The following GRM5 variants were observed in gnomAD, a reference collection of about 807,000 sequenced individuals.
GRM5 encodes metabotropic glutamate receptor 5.
Under a neutral mutation model 83.1 loss-of-function variants are expected in GRM5, and 19 were observed. The ratio of observed to expected loss-of-function variants is 0.23; its 90% CI spans 0.16 to 0.34. GRM5 has a LOEUF of 0.34. Among genes scored for constraint, GRM5 ranks in the 10% least tolerant of loss-of-function variants. GRM5 has a pLI of 1.00. For synonymous variants in GRM5, 675 were observed against 633.6 expected (o/e 1.07, Z -0.98); for missense variants, 1,160 against 1,588.3 (o/e 0.73, Z 4.58).
chr11:88,945,213 C>T (rs1224268377), intron 2 of GRM5, among the ~76,000 whole-genome samples: 1 of 151,850 alleles, frequency 6.6e-6, no homozygotes, highest in Non-Finnish European at 1.5e-5. Context: ...GGGACAACTA[C>T]TTCAAAACAC....
At chr11:88,641,597 G>T (rs1217741170) in intron 4 of GRM5, among the ~76,000 whole-genome samples, 1 of 152,174 alleles carries the variant, frequency 6.6e-6, no homozygotes, top group South Asian at 2.1e-4. Context: ...TACAATGGGG[G>T]TTTAGGCATT....
chr11:88,643,042 G>A (rs1939338452), intron 4 of GRM5, among the ~76,000 whole-genome samples: 1 of 151,414 alleles, frequency 6.6e-6, no homozygotes, highest in Admixed American at 6.6e-5. Context: ...CCTGTGTTAG[G>A]TCATTTTTAC....
At chr11:89,019,815 C>T (rs1940940394) in intron 2 of GRM5, among the ~76,000 whole-genome samples, 1 of 152,186 alleles carries the variant, frequency 6.6e-6, no homozygotes, top group African/African-American at 2.4e-5. Context: ...TGCTATAAAA[C>T]AGGAAGACAA....
intron 2 of GRM5, among the ~76,000 whole-genome samples, chr11:88,923,594 A>G (rs647669): frequency 0.6 from 90,443 of 151,728 alleles, 27,356 homozygotes; most frequent in South Asian, 0.74. Flanking sequence ...TAATAAGTCC[A>G]AAAATATAGT....
chr11:88,706,495 T>G (rs2135379240), intron 3 of GRM5, among the ~76,000 whole-genome samples: 1 of 152,182 alleles, frequency 6.6e-6, no homozygotes, highest in Non-Finnish European at 1.5e-5. Flanking sequence ...CATTGAAGAG[T>G]GAAGTCCCCA....
At chr11:88,609,043 C>A (rs1054267847) in intron 4 of GRM5, among the ~76,000 whole-genome samples, 1 of 152,140 alleles carries the variant, frequency 6.6e-6, no homozygotes, top group South Asian at 2.1e-4. Context: ...AGGTTTGTTA[C>A]ATGGGTAAAT....
At chr11:88,944,314 CT>C (rs1341369727) in intron 2 of GRM5, among the ~76,000 whole-genome samples, 5 of 151,788 alleles carry the variant, frequency 3.3e-5, no homozygotes, top group Non-Finnish European at 5.9e-5. Context: ...CATAATGGAG[CT>C]TTGTGTGTGT....
At chr11:88,621,411 A>C (rs982473700) in intron 4 of GRM5, among the ~76,000 whole-genome samples, 1 of 152,198 alleles carries the variant, frequency 6.6e-6, no homozygotes, top group Non-Finnish European at 1.5e-5. Context: ...AGCCTTTCCC[A>C]GGTAGAATTG....
intron 2 of GRM5, among the ~76,000 whole-genome samples, chr11:88,962,057 T>A (rs974118573): frequency 5.3e-5 from 8 of 152,156 alleles, no homozygotes; most frequent in African/African-American, 1.9e-4. Context: ...CTGAGATGCA[T>A]AGATAAACTG....
intron 8 of GRM5, among the ~76,000 whole-genome samples, chr11:88,562,991 A>C (rs1942791779): frequency 1.3e-5 from 2 of 152,218 alleles, no homozygotes; most frequent in Admixed American, 6.5e-5. Context: ...TTGCCTTTGC[A>C]TCACTGAACC....
chr11:88,721,282 G>T (rs1434202892), intron 3 of GRM5, among the ~76,000 whole-genome samples: 2 of 151,978 alleles, frequency 1.3e-5, no homozygotes, highest in Non-Finnish European at 2.9e-5. Context: ...ATCTTTTTTG[G>T]TGGGAGTGCA....
chr11:88,703,648 T>G (rs959106218), intron 3 of GRM5, among the ~76,000 whole-genome samples: 3 of 152,090 alleles, frequency 2.0e-5, no homozygotes, highest in African/African-American at 7.2e-5. Context: ...ACCCTCACGA[T>G]ATTCTTGTGA....
intron 3 of GRM5, among the ~76,000 whole-genome samples, chr11:88,781,248 C>T (rs1056549605): frequency 6.6e-6 from 1 of 151,356 alleles, no homozygotes; most frequent in African/African-American, 2.4e-5. Context: ...AGAGAAAATT[C>T]AACATCTGTA....
intron 3 of GRM5, among the ~76,000 whole-genome samples, chr11:88,677,862 C>T (rs1940374681): frequency 6.6e-6 from 1 of 152,040 alleles, no homozygotes; most frequent in Non-Finnish European, 1.5e-5. Context: ...AAGATTTTAG[C>T]TTGATAATGC....
At chr11:88,585,851 A>C (rs1943303457) in intron 7 of GRM5, among the ~76,000 whole-genome samples, 2 of 152,170 alleles carry the variant, frequency 1.3e-5, no homozygotes, top group Non-Finnish European at 2.9e-5. Context: ...CAAAGGAATA[A>C]CTGCTTGCTG....
chr11:89,026,011 G>C (rs1244723822), intron 2 of GRM5, among the ~76,000 whole-genome samples: 2 of 152,088 alleles, frequency 1.3e-5, no homozygotes, highest in Admixed American at 6.5e-5. Context: ...CATAAAAAAA[G>C]CAAAATCATG....
intron 6 of GRM5, among the ~76,000 whole-genome samples, chr11:88,594,137 AT>A (rs896509080): frequency 6.6e-6 from 1 of 152,160 alleles, no homozygotes; most frequent in Non-Finnish European, 1.5e-5. Context: ...AGGGTCAAAA[AT>A]AAACAAAAAT....
chr11:88,837,114 A>T (rs188570823), intron 3 of GRM5, among the ~76,000 whole-genome samples: 3,939 of 152,136 alleles, frequency 0.026, 175 homozygotes, highest in African/African-American at 0.088. Flanking sequence ...TATTTTTTTT[A>T]AAAAAGAAAC....
intron 3 of GRM5, among the ~76,000 whole-genome samples, chr11:88,712,063 A>T (rs1235914516): frequency 6.6e-6 from 1 of 152,110 alleles, no homozygotes; most frequent in East Asian, 1.9e-4. Flanking sequence ...CAGTGACAGA[A>T]GGTATAGAAG....
Sources: allele counts gnomAD v4.1 joint callset (sites outside exome capture counted in the v4.1 genomes callset), GRCh38; gene constraint gnomAD v4.1.1; transcripts MANE v1.5; gene names NCBI Gene and HGNC (gene_info 2026-07-23, HGNC 2026-07-21).